The following TMEM161B variants were observed in gnomAD, a reference collection of about 807,000 sequenced individuals.
TMEM161B encodes the protein transmembrane protein 161B.
A neutral mutation model predicts 61.8 loss-of-function variants in TMEM161B; 34 were observed. The observed-to-expected ratio is 0.55, with a 90% CI of 0.42 to 0.73. The LOEUF (loss-of-function observed/expected upper bound fraction) is 0.73, where lower values mean the gene tolerates loss of function less well. Ranked by LOEUF, TMEM161B falls within the 30% of genes least tolerant of loss-of-function variation. TMEM161B has a pLI of 0.00. For synonymous variants in TMEM161B, 167 were observed against 192.8 expected (o/e 0.87, Z 1.11); for missense variants, 456 against 558.5 (o/e 0.82, Z 1.85).
At position 88,205,757 on chromosome 5, in the gene TMEM161B, C is replaced by T. The variant is rs1477935836; in HGVS notation, c.800+57G>A. 4 of 1,577,138 alleles carry T rather than the reference C, an allele frequency of 2.5e-6. No homozygotes were observed. The Admixed American group carries it at 7.1e-5, about 28-fold the overall frequency. On this transcript the variant is annotated intron_variant, in intron 8 of 11. Transcript: ENST00000296595. ...TGATTACATTACAATATTATACCTT[C>T]ATTAAGATGGAAAACATATATTTAT...
At chr5:88,227,329 T>G (rs1405743727) in intron 3 of TMEM161B, among the ~76,000 whole-genome samples, 1 of 152,238 alleles carries the variant, frequency 6.6e-6, no homozygotes, top group Non-Finnish European at 1.5e-5. Flanking sequence ...TATGTAAATT[T>G]GGGCAACTCA....
At chr5:88,235,923 T>G (rs1468155718) in intron 2 of TMEM161B, among the ~76,000 whole-genome samples, 1 of 152,200 alleles carries the variant, frequency 6.6e-6, no homozygotes, top group African/African-American at 2.4e-5. Context: ...ATGAACATTC[T>G]GGAACTGGAA....
chr5:88,240,036 C>G (rs574119783), intron 2 of TMEM161B, among the ~76,000 whole-genome samples: 1 of 151,958 alleles, frequency 6.6e-6, no homozygotes, highest in Admixed American at 6.6e-5. Context: ...TGCAGACTTT[C>G]CTTGATTTCT....
chr5:88,215,548 C>T (rs1403191163), intron 5 of TMEM161B, among the ~76,000 whole-genome samples: 1 of 152,066 alleles, frequency 6.6e-6, no homozygotes, highest in African/African-American at 2.4e-5. Context: ...TGCCTTCTTC[C>T]CCACCCTCTT....
chr5:88,193,208 T>C (rs767323066), downstream of TMEM161B, among the ~76,000 whole-genome samples: 1 of 152,146 alleles, frequency 6.6e-6, no homozygotes, highest in African/African-American at 2.4e-5. Context: ...TCTGATTTTA[T>C]AGTGCAATGG....
chr5:88,202,577 C>A, intron 9 of TMEM161B: 1 of 197,236 alleles, frequency 5.1e-6, no homozygotes, highest in South Asian at 8.5e-5. Context: ...AACTGTCAAA[C>A]ATAGGAGTTG....
chr5:88,255,326 T>C (rs769649958), intron 1 of TMEM161B, among the ~76,000 whole-genome samples: 8 of 152,184 alleles, frequency 5.3e-5, no homozygotes, highest in African/African-American at 9.7e-5. Context: ...ATCCCACTAC[T>C]GTGGCCTTCA....
intron 2 of TMEM161B, among the ~76,000 whole-genome samples, chr5:88,235,599 G>A (rs948695196): frequency 3.3e-5 from 5 of 152,172 alleles, no homozygotes; most frequent in African/African-American, 1.2e-4. Context: ...CAACCTGAGA[G>A]AGGGTCCTTA....
intron 1 of TMEM161B, among the ~76,000 whole-genome samples, chr5:88,262,901 T>C (rs1228280554): frequency 1.3e-5 from 2 of 152,102 alleles, no homozygotes; most frequent in African/African-American, 2.4e-5. Flanking sequence ...AACTACTCTT[T>C]AAAAAGTCTG....
chr5:88,239,343 C>T (rs1387000992), intron 2 of TMEM161B, among the ~76,000 whole-genome samples: 6 of 151,930 alleles, frequency 3.9e-5, no homozygotes, highest in Admixed American at 3.9e-4. Context: ...TAGAAACACG[C>T]AATTCTCAAG....
downstream of TMEM161B, among the ~76,000 whole-genome samples, chr5:88,191,862 CAGG>C (rs1748911253): frequency 6.9e-6 from 1 of 145,378 alleles, no homozygotes; most frequent in Non-Finnish European, 1.5e-5. Flanking sequence ...GAGGCTGAGG[CAGG>C]AGAATGGCGT....
chr5:88,230,354 G>A (rs1750783628), intron 2 of TMEM161B, among the ~76,000 whole-genome samples: 1 of 152,124 alleles, frequency 6.6e-6, no homozygotes, highest in African/African-American at 2.4e-5. Context: ...AATGTACGCT[G>A]GGGGAAGTAC....
intron 1 of TMEM161B, among the ~76,000 whole-genome samples, chr5:88,245,983 C>CA (rs755489434): frequency 1.3e-5 from 2 of 151,824 alleles, no homozygotes; most frequent in Non-Finnish European, 2.9e-5. Context: ...TTGAAGAACT[C>CA]AGAGACTGAT....
downstream of TMEM161B, among the ~76,000 whole-genome samples, chr5:88,191,654 T>A (rs1580280224): frequency 6.6e-6 from 1 of 151,994 alleles, no homozygotes; most frequent in South Asian, 2.1e-4. Context: ...AAATCAGTTA[T>A]CAGATTTAGA....
In TMEM161B at chr5:88,233,705, G is replaced by A. The variant is rs184755350; in HGVS notation, c.108-5177C>T. 6.5e-3 allele frequency among the ~76,000 whole-genome samples: 986 copies of A among 152,166 alleles called. 9 individuals carry two copies. Among genetic ancestry groups the A allele is most frequent in the African/African-American group, 0.022 (923 of 41,506 alleles). On this transcript the variant is annotated intron_variant, in intron 2 of 11. Transcript: ENST00000296595. ...AGAGTGAACAAAAGTAAGCAATAAA[G>A]GATAATATCTACATTTCTGATTTGA...
At chr5:88,251,954 T>C (rs1366157424) in intron 1 of TMEM161B, among the ~76,000 whole-genome samples, 1 of 152,126 alleles carries the variant, frequency 6.6e-6, no homozygotes, top group Non-Finnish European at 1.5e-5. Context: ...TGATTACTTG[T>C]TGAATGAATG....
intron 1 of TMEM161B, among the ~76,000 whole-genome samples, chr5:88,264,923 C>T (rs1326502878): frequency 3.3e-5 from 5 of 149,730 alleles, no homozygotes; most frequent in African/African-American, 4.9e-5. Context: ...TCACACACTG[C>T]GGCCTGTCAG....
chr5:88,194,480 A>T (rs1749313572), downstream of TMEM161B, among the ~76,000 whole-genome samples: 3 of 152,154 alleles, frequency 2.0e-5, no homozygotes, highest in South Asian at 4.2e-4. Context: ...TTTTTGATAC[A>T]ATGATTGCCT....
chr5:88,241,109 T>TA (rs1473403314), intron 1 of TMEM161B, among the ~76,000 whole-genome samples, 193 bp from the exon 2 acceptor site: 2 of 151,766 alleles, frequency 1.3e-5, no homozygotes, highest in South Asian at 2.1e-4. Flanking sequence ...AAAAATACAG[T>TA]AAAAAATAAT....
Sources: allele counts gnomAD v4.1 joint callset (sites outside exome capture counted in the v4.1 genomes callset), GRCh38; gene constraint gnomAD v4.1.1; transcripts MANE v1.5; gene names NCBI Gene and HGNC (gene_info 2026-07-23, HGNC 2026-07-21).